The following SH3PXD2A variants were observed in gnomAD, a reference collection of about 807,000 sequenced individuals.
SH3PXD2A encodes SH3 and PX domains 2A.
SH3PXD2A carries 32 observed loss-of-function variants against 115.2 expected under a neutral mutation model. The observed-to-expected ratio is 0.28, with a 90% confidence interval of 0.21 to 0.37. The LOEUF is 0.37. Among genes scored for constraint, SH3PXD2A ranks in the 10% least tolerant of loss-of-function variants. SH3PXD2A has a pLI of 1.00. For missense variants in SH3PXD2A, 1,328 were observed against 1,498.7 expected (o/e 0.89, Z 1.88); for synonymous variants, 610 against 629.1 (o/e 0.97, Z 0.45).
chr10:103,826,675 C>T (rs904261174), intron 1 of SH3PXD2A, among the ~76,000 whole-genome samples: 1 of 152,166 alleles, frequency 6.6e-6, no homozygotes, highest in Non-Finnish European at 1.5e-5. Flanking sequence ...TAGAGCCGGG[C>T]ACTTTGTAAT....
chr10:103,739,000 T>C (rs529616991), intron 3 of SH3PXD2A, among the ~76,000 whole-genome samples: 13 of 151,906 alleles, frequency 8.6e-5, no homozygotes, highest in African/African-American at 2.9e-4. Context: ...TCCATGTTGG[T>C]CAGGCTGGTC....
At position 103,746,038 on chromosome 10, in the gene SH3PXD2A, G is replaced by A. The variant is rs1462312659; in HGVS notation, c.230-10230C>T. ...ACCCTCCTGCAGCCACGGCTTGCTT[G>A]CAGAAAGCATCAGCGCACCTTGGAG... On this transcript the variant is annotated intron_variant, in intron 3 of 14. Coordinates refer to ENST00000369774, the MANE Select transcript of SH3PXD2A (RefSeq NM_001394015.1). This position sits in a 1 kb window ranked among gnomAD's most constrained non-coding sequence, Gnocchi z 4.4. The A allele has an allele frequency of 6.6e-6, 1 of 152,258 alleles. No individual in the cohort carries two copies. The highest frequency in any genetic ancestry group is 1.9e-4 in the East Asian group (1 of 5,186). 9.4% of individuals were successfully genotyped at this position (152,258 alleles called of 1,614,324 possible). A position where few individuals can be genotyped will look rare whatever the true frequency, so the allele number is the denominator to read the frequency against.
At chr10:103,825,498 T>G (rs1423546964) in intron 1 of SH3PXD2A, among the ~76,000 whole-genome samples, 3 of 152,226 alleles carry the variant, frequency 2.0e-5, no homozygotes, top group Admixed American at 2.0e-4. Flanking sequence ...CTCTTTGAAT[T>G]GTTCATTCGA....
Position 103,668,559 on chromosome 10 carries a change from G to A in SH3PXD2A, c.472+49C>T, listed in dbSNP as rs747923220. 46 of 1,501,398 alleles carry A rather than the reference G, an allele frequency of 3.1e-5. No individual in the cohort carries two copies. In the African/African-American group the frequency reaches 5.4e-4, roughly 18 times the overall value. The allele number at this position is 1,501,398 out of a possible 1,614,324, so 93.0% of individuals were successfully genotyped here. ...TGCAGGCACCGGCTCCCGCGCACAC[G>A]GACCTGGAACACACATGCTCACACA... is the stretch of plus-strand genomic sequence containing the variant. On this transcript the variant is annotated intron_variant, in intron 7 of 14. Coordinates refer to ENST00000369774, the MANE Select transcript of SH3PXD2A (RefSeq NM_001394015.1).
At chr10:103,654,012 C>T (rs1462434404) in intron 8 of SH3PXD2A, among the ~76,000 whole-genome samples, 3 of 151,894 alleles carry the variant, frequency 2.0e-5, no homozygotes, top group Non-Finnish European at 4.4e-5. Flanking sequence ...CTGTACTCCT[C>T]GCTCTGCCTG....
chr10:103,653,377 G>A (rs2037159440), intron 8 of SH3PXD2A, among the ~76,000 whole-genome samples: 1 of 152,238 alleles, frequency 6.6e-6, no homozygotes, highest in South Asian at 2.1e-4. Context: ...CCCCCAAAGG[G>A]AAGGCGGCCA....
chr10:103,634,507 A>G (rs2133971637), intron 8 of SH3PXD2A, among the ~76,000 whole-genome samples: 1 of 152,320 alleles, frequency 6.6e-6, no homozygotes, highest in Middle Eastern at 3.4e-3. Flanking sequence ...ACAACCAGGG[A>G]GTCCAGCTGC....
intron 1 of SH3PXD2A, among the ~76,000 whole-genome samples, chr10:103,831,595 G>A (rs1429413044): frequency 6.6e-6 from 1 of 152,156 alleles, no homozygotes; most frequent in Non-Finnish European, 1.5e-5. Context: ...CAGTGTGGGA[G>A]GATTGCTTGA....
rs895998351 is a variant in SH3PXD2A at position 103,620,318 on chromosome 10, G to C, written c.802+2152C>G. On this transcript the variant is annotated intron_variant, in intron 10 of 14. Coordinates refer to ENST00000369774, the MANE Select transcript of SH3PXD2A (RefSeq NM_001394015.1). This position sits in a 1 kb window ranked among gnomAD's most constrained non-coding sequence, Gnocchi z 5.3. Reference sequence around the variant, plus strand: ...GGGAGGGCTGGCCAGGCGGTCAGCCGGGTGGGTGAGGGGGATAGGCCTGCT... The same window carrying C: ...GGGAGGGCTGGCCAGGCGGTCAGCCCGGTGGGTGAGGGGGATAGGCCTGCT... 6.6e-6 allele frequency among the ~76,000 whole-genome samples: 1 copy of C among 152,178 alleles called. No homozygotes were observed.
At chr10:103,714,674 T>C (rs1221938560) in intron 5 of SH3PXD2A, among the ~76,000 whole-genome samples, 1 of 152,178 alleles carries the variant, frequency 6.6e-6, no homozygotes, top group Non-Finnish European at 1.5e-5. Context: ...TATCTAACGT[T>C]CTGTTCCCTC....
At chr10:103,681,544 G>T (rs1254968136) in intron 6 of SH3PXD2A, among the ~76,000 whole-genome samples, 2 of 152,256 alleles carry the variant, frequency 1.3e-5, no homozygotes, top group Non-Finnish European at 2.9e-5. Context: ...AAGGCAGGAG[G>T]ATCTGCCTGG....
chr10:103,606,728 C>T (rs1320528346), intron 13 of SH3PXD2A, among the ~76,000 whole-genome samples: 2 of 152,154 alleles, frequency 1.3e-5, no homozygotes, highest in Non-Finnish European at 2.9e-5. Context: ...AGCTCCTAAC[C>T]GCGAGTGATC....
intron 4 of SH3PXD2A, among the ~76,000 whole-genome samples, chr10:103,727,288 C>T (rs1438959490): frequency 6.6e-6 from 1 of 152,118 alleles, no homozygotes; most frequent in Non-Finnish European, 1.5e-5. Context: ...TTCAAGTTCT[C>T]ATTTAACGCA....
chr10:103,692,196 T>C (rs1438572994), intron 6 of SH3PXD2A, among the ~76,000 whole-genome samples: 8 of 151,974 alleles, frequency 5.3e-5, no homozygotes, highest in African/African-American at 9.7e-5. Flanking sequence ...TAGGGACCAC[T>C]CTCCCCCAGT....
intron 1 of SH3PXD2A, among the ~76,000 whole-genome samples, chr10:103,850,129 T>C (rs1015177237): frequency 6.6e-6 from 1 of 152,234 alleles, no homozygotes; most frequent in Non-Finnish European, 1.5e-5. Context: ...TAACTCATGC[T>C]GGCCCCGGAA....
At chr10:103,847,201 A>C (rs1842855752) in intron 1 of SH3PXD2A, among the ~76,000 whole-genome samples, 1 of 152,198 alleles carries the variant, frequency 6.6e-6, no homozygotes, top group South Asian at 2.1e-4. Context: ...GCTGGAATGC[A>C]GTGGCATAAT....
intron 1 of SH3PXD2A, among the ~76,000 whole-genome samples, chr10:103,842,213 C>T (rs913069576): frequency 1.8e-4 from 6 of 33,388 alleles, no homozygotes; most frequent in African/African-American, 2.3e-4. Flanking sequence ...CTACGCCATT[C>T]AACCCCCATC....
intron 1 of SH3PXD2A, among the ~76,000 whole-genome samples, chr10:103,840,192 T>C (rs1485700453): frequency 6.6e-6 from 1 of 151,238 alleles, no homozygotes; most frequent in Non-Finnish European, 1.5e-5. Flanking sequence ...GGCGGGGAGG[T>C]TGCCCCGCTT....
rs142494066 is a variant in SH3PXD2A at position 103,640,279 on chromosome 10, C to T, written c.605-13077G>A. On this transcript the variant is annotated intron_variant, in intron 8 of 14. Transcript: ENST00000369774. ...GCAGTGAGCCAAGATCGCACCACTG[C>T]ACTGTAGCCTGGGTGACAGAGCGTG... Among the ~76,000 whole-genome samples, 306 of 151,794 alleles carry T rather than the reference C, an allele frequency of 2.0e-3. 1 individual carries two copies. Among genetic ancestry groups the T allele is most frequent in the African/African-American group, 6.9e-3 (287 of 41,364 alleles).
Sources: gnomAD v4.1 joint callset for allele counts (sites outside exome capture counted in the v4.1 genomes callset) on GRCh38, gnomAD v4.1.1 for gene constraint, Gnocchi (gnomAD v3.1) non-coding constraint, MANE v1.5 for transcripts, NCBI Gene and HGNC (gene_info 2026-07-23, HGNC 2026-07-21) for gene names.